The following SCAI variants were observed in gnomAD, a reference collection of about 807,000 sequenced individuals.
SCAI encodes suppressor of cancer cell invasion.
SCAI carries 24 observed loss-of-function variants against 92.2 expected under a neutral mutation model. That is an observed-to-expected ratio of 0.26 (90% CI 0.19 to 0.37). The LOEUF (loss-of-function observed/expected upper bound fraction) is 0.37. SCAI is among the 10% of genes least tolerant of loss of function. The pLI is 1.00. For synonymous variants in SCAI, 261 were observed against 258.6 expected (o/e 1.01, Z -0.09); for missense variants, 450 against 736.2 (o/e 0.61, Z 4.50).
At chr9:125,106,132 T>TATATATATAG (rs2131221335) in intron 2 of SCAI, among the ~76,000 whole-genome samples, 1 of 82,306 alleles carries the variant, frequency 1.2e-5, no homozygotes, top group South Asian at 4.2e-4. Context: ...AATATATATA[T>TATATATATAG]ATATATATAT....
In SCAI at chr9:124,946,771, G is replaced by A. The variant is rs1055077367; in HGVS notation, c.*6036C>T. ...TAATATTAAAAACTCTACTTCATGTGCGAATATATCATCAACTTGCAGAAC... is the reference window on the plus strand; with the variant it reads ...TAATATTAAAAACTCTACTTCATGTACGAATATATCATCAACTTGCAGAAC... On this transcript the variant is annotated 3_prime_UTR_variant, in exon 18 of 18. Coordinates refer to ENST00000336505, the MANE Select transcript of SCAI (RefSeq NM_001144877.3). This position sits in a 1 kb window ranked among gnomAD's most constrained non-coding sequence, Gnocchi z 4.0. 6.6e-6 allele frequency: 1 copy of A among 152,130 alleles called. No homozygotes were observed. Among genetic ancestry groups the A allele is most frequent in the Non-Finnish European group, 1.5e-5 (1 of 68,020 alleles). 9.4% of individuals were successfully genotyped at this position (152,130 alleles called of 1,614,324 possible).
At chr9:125,138,587 TTTG>T (rs1455697754) in intron 2 of SCAI, among the ~76,000 whole-genome samples, 5 of 152,136 alleles carry the variant, frequency 3.3e-5, no homozygotes, top group African/African-American at 1.2e-4. Flanking sequence ...GCTGATTTTT[TTTG>T]TTTTTAGTAG....
At chr9:125,142,955 A>C in intron 1 of SCAI, among the ~76,000 whole-genome samples, 1 of 150,716 alleles carries the variant, frequency 6.6e-6, no homozygotes, top group African/African-American at 2.4e-5. Flanking sequence ...AGCTCCCCAA[A>C]ATCACCCACC....
At chr9:125,084,644 G>A (rs1834290445) in intron 2 of SCAI, among the ~76,000 whole-genome samples, 1 of 152,084 alleles carries the variant, frequency 6.6e-6, no homozygotes, top group African/African-American at 2.4e-5. Context: ...TTGCACAAAG[G>A]AACCATATAG....
Position 125,004,752 on chromosome 9 carries a change from TATATATATATA to T in SCAI, c.862-1193_862-1183del, listed in dbSNP as rs1832445228. On this transcript the variant is annotated intron_variant, in intron 9 of 17. Transcript: ENST00000336505. ...TGTGATCCATATATATATATATATA[TATATATATATA>T]TATATATATATATATATTTTTTTTT... Among the ~76,000 whole-genome samples the T allele has an allele frequency of 6.6e-4, 10 of 15,180 alleles. 1 individual carries two copies. The highest frequency in any genetic ancestry group is 1.6e-3 in the East Asian group (1 of 624). 10.0% of individuals were successfully genotyped at this position (15,180 alleles called of 152,430 possible).
intron 17 of SCAI, 103 bp downstream of exon 17, chr9:124,971,267 A>G (rs911700640): frequency 1.0e-4 from 54 of 542,610 alleles, no homozygotes; most frequent in Non-Finnish European, 5.1e-5. Context: ...ATCCAAAATA[A>G]TATTATTTTA....
intron 6 of SCAI, among the ~76,000 whole-genome samples, chr9:125,024,286 T>C (rs549344235): frequency 2.6e-5 from 4 of 151,198 alleles, no homozygotes; most frequent in African/African-American, 9.7e-5. Context: ...AGTTTTTTTT[T>C]TTTTTTTTGA....
chr9:125,113,745 C>G (rs1834978455), intron 2 of SCAI, among the ~76,000 whole-genome samples: 1 of 150,740 alleles, frequency 6.6e-6, no homozygotes, highest in African/African-American at 2.4e-5. Context: ...GGCTGATCAC[C>G]TGAGGTCGGG....
At chr9:125,099,597 A>C (rs1424296) in intron 2 of SCAI, among the ~76,000 whole-genome samples, 150,377 of 152,334 alleles carry the variant, frequency 0.99, 74,258 homozygotes, top group East Asian at 1. Flanking sequence ...AACAAATACA[A>C]ACCTTATGTT....
At chr9:125,105,867 G>A (rs1382913420) in intron 2 of SCAI, among the ~76,000 whole-genome samples, 1 of 151,592 alleles carries the variant, frequency 6.6e-6, no homozygotes, top group Non-Finnish European at 1.5e-5. Context: ...GGGAGGCCGA[G>A]GCAGGCAGAT....
intron 2 of SCAI, among the ~76,000 whole-genome samples, chr9:125,137,582 T>C (rs530719652): frequency 4.6e-5 from 7 of 152,228 alleles, no homozygotes; most frequent in African/African-American, 1.4e-4. Context: ...CTCACTTGGA[T>C]TGAGAAGTAT....
intron 2 of SCAI, among the ~76,000 whole-genome samples, chr9:125,057,775 C>T (rs1379715535): frequency 1.3e-5 from 2 of 152,100 alleles, no homozygotes; most frequent in East Asian, 1.9e-4. Context: ...GGGAGATTTG[C>T]TATATAAAGA....
intron 2 of SCAI, among the ~76,000 whole-genome samples, chr9:125,137,696 G>A (rs953956620): frequency 1.8e-4 from 28 of 152,144 alleles, no homozygotes; most frequent in Admixed American, 7.2e-4. Flanking sequence ...CACCTCCCAG[G>A]TTCAAGAGAT....
chr9:125,100,304 T>A (rs1313436200), intron 2 of SCAI, among the ~76,000 whole-genome samples: 2 of 152,230 alleles, frequency 1.3e-5, no homozygotes, highest in Non-Finnish European at 2.9e-5. Context: ...ACTTATTGAC[T>A]GTTTATTATG....
intron 6 of SCAI, among the ~76,000 whole-genome samples, chr9:125,025,795 G>A (rs756152114): frequency 3.3e-5 from 5 of 152,198 alleles, no homozygotes; most frequent in Non-Finnish European, 5.9e-5. Flanking sequence ...TTACAAGAGT[G>A]GGGCTTTCCC....
At chr9:125,018,585 T>G (rs1832809299) in intron 9 of SCAI, among the ~76,000 whole-genome samples, 1 of 152,214 alleles carries the variant, frequency 6.6e-6, no homozygotes, top group African/African-American at 2.4e-5. Context: ...TTATTTTCAT[T>G]TACTGTATCA....
intron 2 of SCAI, among the ~76,000 whole-genome samples, chr9:125,078,872 C>T (rs1016261684): frequency 2.0e-5 from 3 of 152,120 alleles, no homozygotes; most frequent in Non-Finnish European, 2.9e-5. Flanking sequence ...CCACTGTACT[C>T]CAGCCTGGGG....
intron 2 of SCAI, among the ~76,000 whole-genome samples, chr9:125,135,738 G>C (rs1395309610): frequency 6.6e-6 from 1 of 152,136 alleles, no homozygotes; most frequent in Non-Finnish European, 1.5e-5. Flanking sequence ...GGGAGGCCAA[G>C]GCGGACGGAT....
intron 3 of SCAI, among the ~76,000 whole-genome samples, chr9:125,040,719 T>G (rs1399806482): frequency 6.6e-6 from 1 of 152,000 alleles, no homozygotes; most frequent in East Asian, 1.9e-4. Flanking sequence ...CTCTGCCTCC[T>G]GGGTTCAAGC....
Sources: gnomAD v4.1 joint callset for allele counts (sites outside exome capture counted in the v4.1 genomes callset) on GRCh38, gnomAD v4.1.1 for gene constraint, Gnocchi (gnomAD v3.1) non-coding constraint, MANE v1.5 for transcripts, NCBI Gene and HGNC (gene_info 2026-07-23, HGNC 2026-07-21) for gene names.